Variants in LTBP1 observed in about 807,000 individuals in gnomAD.
LTBP1 encodes latent transforming growth factor beta binding protein 1.
A neutral mutation model predicts 207.6 loss-of-function variants in LTBP1; 129 were observed. The ratio of observed to expected loss-of-function variants is 0.62; its 90% CI spans 0.54 to 0.72. The LOEUF (loss-of-function observed/expected upper bound fraction) is 0.72, where lower values mean the gene tolerates loss of function less well. Among genes scored for constraint, LTBP1 ranks in the 30% least tolerant of loss-of-function variants. The pLI, the probability that LTBP1 is intolerant of heterozygous loss-of-function variation, is 0.00. For synonymous variants in LTBP1, 963 were observed against 833.7 expected, an observed-to-expected ratio of 1.16 and a Z score of -2.67; for missense variants, 2,281 against 2,217.2, an observed-to-expected ratio of 1.03 and a Z score of -0.58.
At chr2:33,066,374 A>G (rs1252268633) in intron 3 of LTBP1, among the ~76,000 whole-genome samples, 1 of 152,198 alleles carries the variant, frequency 6.6e-6, no homozygotes, top group East Asian at 1.9e-4. Context: ...CACCCCAAAA[A>G]TCATAGTTAC....
chr2:33,048,914 A>G (rs1041118511), intron 3 of LTBP1, among the ~76,000 whole-genome samples: 1 of 152,204 alleles, frequency 6.6e-6, no homozygotes, highest in African/African-American at 2.4e-5. Context: ...TTTATAAAAG[A>G]CAAACATTTT....
chr2:33,204,297 CTG>C (rs202123185), intron 7 of LTBP1, among the ~76,000 whole-genome samples: 8,043 of 152,200 alleles, frequency 0.053, 706 homozygotes, highest in African/African-American at 0.18. Flanking sequence ...CTGTATGAGA[CTG>C]TGCATTTACT....
intron 4 of LTBP1, among the ~76,000 whole-genome samples, chr2:33,122,922 CAA>C (rs1342196536): frequency 6.6e-6 from 1 of 152,184 alleles, no homozygotes; most frequent in Non-Finnish European, 1.5e-5. Flanking sequence ...GTTTTGTAGG[CAA>C]GAGACCTCAG....
At chr2:33,049,444 C>T (rs1364834001) in intron 3 of LTBP1, among the ~76,000 whole-genome samples, 2 of 152,098 alleles carry the variant, frequency 1.3e-5, no homozygotes, top group Non-Finnish European at 2.9e-5. Flanking sequence ...CTCTTTTGAG[C>T]TAGGCCGGAC....
chr2:33,068,196 T>A (rs1223240455), intron 3 of LTBP1, among the ~76,000 whole-genome samples: 1 of 152,028 alleles, frequency 6.6e-6, no homozygotes, highest in Non-Finnish European at 1.5e-5. Flanking sequence ...CATATGTTTT[T>A]ATTTCTCTTG....
intron 3 of LTBP1, among the ~76,000 whole-genome samples, chr2:33,101,012 A>G (rs1010418412): frequency 3.9e-5 from 6 of 152,212 alleles, no homozygotes; most frequent in East Asian, 3.8e-4. Flanking sequence ...ACAGTGGAAC[A>G]TAAGTATGTT....
intron 3 of LTBP1, among the ~76,000 whole-genome samples, chr2:33,087,084 C>CTTTTTTTTTTTTTTTTGTTTT (rs2078805554): frequency 1.1e-5 from 1 of 89,026 alleles, no homozygotes; most frequent in Non-Finnish European, 2.1e-5. Context: ...CTCCTTTATG[C>CTTTTTTTTTTTTTTTTGTTTT]TTTTTTTTTT....
chr2:33,124,733 AT>A (rs2081338078), intron 4 of LTBP1, among the ~76,000 whole-genome samples: 1 of 152,242 alleles, frequency 6.6e-6, no homozygotes, highest in Non-Finnish European at 1.5e-5. Context: ...AAAACTGACC[AT>A]GTGTAAGTAT....
At chr2:33,080,139 G>A (rs2078311799) in intron 3 of LTBP1, among the ~76,000 whole-genome samples, 1 of 152,104 alleles carries the variant, frequency 6.6e-6, no homozygotes, top group African/African-American at 2.4e-5. Flanking sequence ...TGATTCTGCT[G>A]CCTCAGCCTC....
chr2:33,370,760 T>C (rs546049929), intron 31 of LTBP1, among the ~76,000 whole-genome samples: 2 of 152,236 alleles, frequency 1.3e-5, no homozygotes, highest in Non-Finnish European at 2.9e-5. Context: ...TCAGACATCA[T>C]GCATCCCATT....
intron 19 of LTBP1, chr2:33,291,715 G>A (rs943697901): frequency 2.6e-5 from 4 of 152,216 alleles, no homozygotes; most frequent in Non-Finnish European, 5.9e-5. Flanking sequence ...TATGTGCAGG[G>A]AACACACCCG....
chr2:33,269,788 C>A (rs927340044), intron 15 of LTBP1, among the ~76,000 whole-genome samples: 1 of 152,048 alleles, frequency 6.6e-6, no homozygotes, highest in Non-Finnish European at 1.5e-5. Context: ...ACAGAAAATG[C>A]AGAACACTTT....
chr2:33,286,788 G>A (rs2093673021), intron 19 of LTBP1, among the ~76,000 whole-genome samples: 1 of 147,428 alleles, frequency 6.8e-6, no homozygotes, highest in African/African-American at 2.5e-5. Context: ...GTAGGGACAG[G>A]GATGAAGCTG....
chr2:33,388,205 C>T (rs762811643), intron 31 of LTBP1, among the ~76,000 whole-genome samples: 1 of 152,046 alleles, frequency 6.6e-6, no homozygotes, highest in African/African-American at 2.4e-5. Flanking sequence ...CTGGTGGGTC[C>T]TTGGGGGAGG....
At chr2:33,082,441 T>TAA (rs2078483576) in intron 3 of LTBP1, among the ~76,000 whole-genome samples, 1 of 105,662 alleles carries the variant, frequency 9.5e-6, no homozygotes, top group African/African-American at 3.3e-5. Flanking sequence ...ACTTTTTTTT[T>TAA]TTTTTTTTTT....
chr2:33,010,599 A>C (rs914728583), intron 2 of LTBP1, among the ~76,000 whole-genome samples: 8 of 152,182 alleles, frequency 5.3e-5, no homozygotes, highest in African/African-American at 1.9e-4. Context: ...ATCATCACAC[A>C]TTCTCTGCAG....
At chr2:33,246,232 C>T (rs887581307) in intron 10 of LTBP1, among the ~76,000 whole-genome samples, 3 of 152,076 alleles carry the variant, frequency 2.0e-5, no homozygotes, top group African/African-American at 4.8e-5. Flanking sequence ...TTTCTCTTTC[C>T]TCTGAATTTA....
chr2:33,133,428 A>G (rs552775634), intron 4 of LTBP1, among the ~76,000 whole-genome samples: 1 of 152,348 alleles, frequency 6.6e-6, no homozygotes, highest in Admixed American at 6.5e-5. Context: ...AAAGCCTGAC[A>G]GATGACTGGC....
chr2:33,366,040 G>T (rs551721152), intron 31 of LTBP1, among the ~76,000 whole-genome samples: 2 of 152,140 alleles, frequency 1.3e-5, no homozygotes, highest in African/African-American at 4.8e-5. Context: ...GATCTATCTG[G>T]GTTTAAACCT....
Sources: allele counts gnomAD v4.1 joint callset (sites outside exome capture counted in the v4.1 genomes callset), GRCh38; gene constraint gnomAD v4.1.1; transcripts MANE v1.5; gene names NCBI Gene and HGNC (gene_info 2026-07-23, HGNC 2026-07-21).